UBOX5: variants seen among roughly 807,000 people sequenced by gnomAD.
The protein encoded by UBOX5 is U-box domain containing 5.
A neutral mutation model predicts 39.0 loss-of-function variants in UBOX5; 28 were observed. The ratio of observed to expected loss-of-function variants is 0.72; its 90% CI spans 0.53 to 0.98. The LOEUF (loss-of-function observed/expected upper bound fraction) is 0.98. Ranked by LOEUF, UBOX5 falls within the 50% of genes least tolerant of loss-of-function variation. The pLI, the probability that UBOX5 is intolerant of heterozygous loss-of-function variation, is 0.00. For synonymous variants in UBOX5, 283 were observed against 275.5 expected (o/e 1.03, Z -0.27); for missense variants, 585 against 674.4 (o/e 0.87, Z 1.47).
chr20:3,142,879 A>ATTGT (rs1224390471), intron 1 of UBOX5, among the ~76,000 whole-genome samples: 1 of 151,632 alleles, frequency 6.6e-6, no homozygotes, highest in African/African-American at 2.4e-5. Context: ...GCCTACTTTC[A>ATTGT]TTGTTTGTAT....
At position 3,149,503 on chromosome 20, in the gene UBOX5, C is replaced by G. The variant is rs1207666660; in HGVS notation, c.-42+10263G>C. Among the ~76,000 whole-genome samples the G allele has an allele frequency of 6.6e-6, 1 of 152,106 alleles. No individual in the cohort carries two copies. Among genetic ancestry groups the G allele is most frequent in the Non-Finnish European group, 1.5e-5 (1 of 68,016 alleles). ...CCTGGACTGCTGCTCACCAGACTTC[C>G]TTCACTGTACAAGGCAAGCAGTGAC... On this transcript the variant is annotated intron_variant, in intron 1 of 4. Coordinates refer to ENST00000217173, the MANE Select transcript of UBOX5 (RefSeq NM_014948.4). This position sits in a 1 kb window ranked among gnomAD's most constrained non-coding sequence, Gnocchi z 4.1.
chr20:3,135,379 AG>A (rs1314990072), intron 1 of UBOX5, among the ~76,000 whole-genome samples: 1 of 152,206 alleles, frequency 6.6e-6, no homozygotes, highest in Non-Finnish European at 1.5e-5. Flanking sequence ...GAAAGGGATC[AG>A]GAAGTGTCAA....
rs573681735 is a variant in UBOX5, at chr20:3,141,481, C to G, written c.-41-18075G>C. On this transcript the variant is annotated intron_variant, in intron 1 of 4. Transcript: ENST00000217173. ...CCTGACCAACATGGAGAAACCCCGTCTCTACTAAAAATACAAAGTTAGCTG... is the reference window on the plus strand; with the variant it reads ...CCTGACCAACATGGAGAAACCCCGTGTCTACTAAAAATACAAAGTTAGCTG... 5.3e-5 allele frequency among the ~76,000 whole-genome samples: 8 copies of G among 151,704 alleles called. No individual in the cohort carries two copies. The South Asian group carries it at 1.7e-3, about 32-fold the overall frequency.
intron 1 of UBOX5, among the ~76,000 whole-genome samples, chr20:3,156,301 A>C (rs1380447468): frequency 6.7e-6 from 1 of 149,742 alleles, no homozygotes; most frequent in Admixed American, 6.8e-5. Context: ...TCAGCCTCCC[A>C]AGTAGCTGAG....
chr20:3,147,595 G>A (rs115011076), intron 1 of UBOX5: 39 of 1,614,188 alleles, frequency 2.4e-5, no homozygotes, highest in South Asian at 3.3e-5. Flanking sequence ...GACTGAGAGC[G>A]AAATCAATTA....
chr20:3,129,319 T>C (rs559998058), intron 1 of UBOX5, among the ~76,000 whole-genome samples: 8 of 152,334 alleles, frequency 5.3e-5, no homozygotes, highest in African/African-American at 1.7e-4. Flanking sequence ...CCCACACCAC[T>C]ATCTGACAGA....
At chr20:3,120,216 G>A (rs866494) in intron 3 of UBOX5, among the ~76,000 whole-genome samples, 57,558 of 151,296 alleles carry the variant, frequency 0.38, 12,619 homozygotes, top group East Asian at 0.54. Context: ...GCGTGGTGGC[G>A]CGCGTCTGTA....
At chr20:3,151,922 T>C (rs553440139) in intron 1 of UBOX5, 2 of 151,186 alleles carry the variant, frequency 1.3e-5, no homozygotes, top group African/African-American at 2.4e-5. Flanking sequence ...CTGGCCATCA[T>C]GGTGAAACCC....
chr20:3,123,926 G>T (rs1169195361), intron 1 of UBOX5, among the ~76,000 whole-genome samples: 2 of 152,192 alleles, frequency 1.3e-5, no homozygotes, highest in African/African-American at 4.8e-5. Flanking sequence ...GGTGGCTCAT[G>T]CCTGTAATCC....
At chr20:3,145,090 T>A (rs1248891863) in intron 1 of UBOX5, among the ~76,000 whole-genome samples, 1 of 151,884 alleles carries the variant, frequency 6.6e-6, no homozygotes, top group East Asian at 1.9e-4. Flanking sequence ...GAATAAGAAT[T>A]TTAATTTTAG....
At chr20:3,128,187 C>T (rs1203346569) in intron 1 of UBOX5, among the ~76,000 whole-genome samples, 3 of 152,244 alleles carry the variant, frequency 2.0e-5, no homozygotes, top group African/African-American at 7.2e-5. Flanking sequence ...CCTATAGTTA[C>T]CTCTTTTTGG....
chr20:3,158,558 C>T (rs1325252047), intron 1 of UBOX5, among the ~76,000 whole-genome samples: 1 of 152,180 alleles, frequency 6.6e-6, no homozygotes, highest in Non-Finnish European at 1.5e-5. Flanking sequence ...ACTGCACACT[C>T]CGCCTCCCGG....
intron 1 of UBOX5, among the ~76,000 whole-genome samples, chr20:3,140,458 G>C (rs1024124658): frequency 4.6e-5 from 7 of 152,198 alleles, no homozygotes; most frequent in African/African-American, 1.7e-4. Context: ...CTTAGTAACA[G>C]TGTCAGCAAA....
At chr20:3,155,549 G>A (rs1021308043) in intron 1 of UBOX5, among the ~76,000 whole-genome samples, 5 of 151,960 alleles carry the variant, frequency 3.3e-5, no homozygotes, top group East Asian at 3.9e-4. Context: ...AAAGTGGGTC[G>A]GGAGAGGAAA....
chr20:3,110,321 A>C lies in UBOX5; in HGVS notation c.1418-7T>G, dbSNP rs755960073. The stretch of plus-strand genomic sequence containing the variant: ...AGGATGCTCCCAGGCTGCTCTGGTA[A>C]ATCAGGAAGGAAAACAGGCCAGGGT... On this transcript the variant is annotated splice_polypyrimidine_tract_variant and splice_region_variant and intron_variant, in intron 4 of 4. Transcript: ENST00000217173. 1.9e-6 allele frequency: 3 copies of C among 1,613,838 alleles called. No individual in the cohort carries two copies. In the African/African-American group the frequency reaches 4.0e-5, roughly 22 times the overall value.
chr20:3,125,498 T>G (rs537464171), intron 1 of UBOX5, among the ~76,000 whole-genome samples: 375 of 131,870 alleles, frequency 2.8e-3, no homozygotes, highest in Non-Finnish European at 4.7e-3. Flanking sequence ...CCGCCCATCA[T>G]CTGAGAAGTG....
chr20:3,124,354 G>GCCTTGAGTGATCTGCCCGCCTTGGCCTC (rs1316426525), intron 1 of UBOX5, among the ~76,000 whole-genome samples: 2 of 152,148 alleles, frequency 1.3e-5, no homozygotes, highest in African/African-American at 2.4e-5. Flanking sequence ...CCGAGTGCCT[G>GCCTTGAGTGATCTGCCCGCCTTGGCCTC]CCTTGAGTGA....
At chr20:3,146,975 A>T in intron 1 of UBOX5, 1 of 1,614,184 alleles carries the variant, frequency 6.2e-7, no homozygotes, top group Non-Finnish European at 8.5e-7. Context: ...TGTGAACTGA[A>T]CAGCCAGCTT....
At chr20:3,123,920 G>A (rs2066357403) in intron 1 of UBOX5, among the ~76,000 whole-genome samples, 1 of 152,176 alleles carries the variant, frequency 6.6e-6, no homozygotes, top group South Asian at 2.1e-4. Context: ...AGGTGTGGTG[G>A]CTCATGCCTG....
Sources: allele counts gnomAD v4.1 joint callset (sites outside exome capture counted in the v4.1 genomes callset), GRCh38; gene constraint gnomAD v4.1.1; non-coding constraint Gnocchi (gnomAD v3.1); transcripts MANE v1.5; gene names NCBI Gene and HGNC (gene_info 2026-07-23, HGNC 2026-07-21).